Variants in ITSN1 observed in about 807,000 individuals in gnomAD.
ITSN1 encodes the protein intersectin-1.
ITSN1 carries 58 observed loss-of-function variants against 239.8 expected under a neutral mutation model. The ratio of observed to expected loss-of-function variants is 0.24; its 90% CI spans 0.20 to 0.30. The LOEUF (loss-of-function observed/expected upper bound fraction) is 0.30, where lower values mean the gene tolerates loss of function less well. Among genes scored for constraint, ITSN1 ranks in the 10% least tolerant of loss-of-function variants. The pLI is 1.00. For missense variants in ITSN1, 1,558 were observed against 2,103.3 expected (o/e 0.74, Z 5.07); for synonymous variants, 780 against 770.8 (o/e 1.01, Z -0.20).
chr21:33,655,398 C>T (rs1353408282), intron 1 of ITSN1, among the ~76,000 whole-genome samples: 1 of 151,960 alleles, frequency 6.6e-6, no homozygotes, highest in East Asian at 1.9e-4. Context: ...GAATTCTGTT[C>T]AAGTGTGTAG....
chr21:33,813,980 C>G lies in ITSN1; in HGVS notation c.2635C>G (p.Leu879Val). 6.2e-7 allele frequency: 1 copy of G among 1,614,182 alleles called. No individual in the cohort carries two copies. The highest frequency in any genetic ancestry group is 1.1e-5 in the South Asian group (1 of 91,088). Residue 879 changes from leucine (L) to valine (V), a missense_variant, in exon 22 of 40, where the codon CTC becomes GTC. Physicochemically the swap from Leu to Val is conservative, Grantham distance 32. Around this residue, in one of 2 missense-constraint regions of ITSN1, gnomAD observed 982 missense variants for 1,209.9 expected, o/e 0.81. Transcript: ENST00000381318. ...GGATGCATGGGCAGCCCAGCCCTCT[C>G]TCACCGTTCCAAGTGCCGGCCAGTT... ...NWDAWAAQPS[L>V]TVPSAGQLRQ...
At chr21:33,788,893 A>G (rs1306055247) in intron 16 of ITSN1, among the ~76,000 whole-genome samples, 1 of 152,180 alleles carries the variant, frequency 6.6e-6, no homozygotes, top group Non-Finnish European at 1.5e-5. Flanking sequence ...CAAGGCTATG[A>G]TCGTGCCTGT....
intron 25 of ITSN1, 77 bp from the exon 26 acceptor site, chr21:33,826,741 G>A (rs556487175): frequency 7.3e-7 from 1 of 1,362,176 alleles, no homozygotes; most frequent in East Asian, 2.3e-5. Flanking sequence ...AAGCGGGTTT[G>A]TATCATCATT....
intron 1 of ITSN1, among the ~76,000 whole-genome samples, chr21:33,705,934 A>G (rs913260974): frequency 6.6e-6 from 1 of 152,194 alleles, no homozygotes. Flanking sequence ...AAGCCTACTC[A>G]TATTGGAGCC....
Position 33,834,343 on chromosome 21 carries a change from G to T in ITSN1, c.3388G>T (p.Ala1130Ser), listed in dbSNP as rs199990852. ...GKKRQIGWFP[A>S]NYVKLLSPGT... ...AAAGCGCCAGATAGGCTGGTTCCCA[G>T]CTAATTATGTAAAGCTTCTAAGCCC... The change falls in exon 28 of 40, where the codon GCT becomes TCT. Residue 1130 changes from alanine to serine, a missense_variant. Ala to Ser is a moderately conservative substitution (Grantham distance 99, BLOSUM62 1). This residue lies in a region of ITSN1 where 576 missense variants were observed against 893.3 expected (regional missense o/e 0.64). Transcript: ENST00000381318. The T allele has an allele frequency of 6.2e-7, 1 of 1,614,066 alleles. No individual in the cohort carries two copies. The highest frequency in any genetic ancestry group is 8.5e-7 in the Non-Finnish European group (1 of 1,180,004).
rs2248321 is a variant in ITSN1 at position 33,834,576 on chromosome 21, A to G, written c.3469+152A>G. ...GGGACTGACACCCAACTAATGTGAT[A>G]TGGAATATGTCTTTCAAAAGGACCA... On this transcript the variant is annotated intron_variant, in intron 28 of 39. Transcript: ENST00000381318. 236,399 of 641,826 alleles carry G rather than the reference A, an allele frequency of 0.37. 48,536 individuals carry two copies. Among genetic ancestry groups the G allele is most frequent in the East Asian group, 0.74 (26,811 of 36,444 alleles). The allele number at this position is 641,826 out of a possible 1,614,324, so 39.8% of individuals were successfully genotyped here. A position where few individuals can be genotyped will look rare whatever the true frequency, so the allele number is the denominator to read the frequency against.
At chr21:33,868,015 G>T (rs978847478) in intron 33 of ITSN1, among the ~76,000 whole-genome samples, 4 of 152,232 alleles carry the variant, frequency 2.6e-5, no homozygotes, top group African/African-American at 9.6e-5. Context: ...GCAGCAGCAA[G>T]ATTTATTGCA....
intron 20 of ITSN1, among the ~76,000 whole-genome samples, chr21:33,804,562 A>C (rs977422136): frequency 6.6e-6 from 1 of 152,208 alleles, no homozygotes; most frequent in Non-Finnish European, 1.5e-5. Flanking sequence ...CTTTCAATTG[A>C]GTCTGACCTT....
intron 20 of ITSN1, among the ~76,000 whole-genome samples, chr21:33,805,743 T>G (rs926149381): frequency 6.6e-6 from 1 of 151,198 alleles, no homozygotes; most frequent in African/African-American, 2.4e-5. Flanking sequence ...GCGATCTCGG[T>G]TCCCTGCAAG....
intron 27 of ITSN1, 91 bp from the exon 28 acceptor site, chr21:33,834,216 G>T: frequency 1.1e-6 from 1 of 878,832 alleles, no homozygotes; most frequent in Non-Finnish European, 1.8e-6. Flanking sequence ...TCAGTTATAT[G>T]TAAGCTTTAC....
At chr21:33,783,664 T>G (rs1444411605) in intron 16 of ITSN1, among the ~76,000 whole-genome samples, 1 of 150,912 alleles carries the variant, frequency 6.6e-6, no homozygotes, top group Non-Finnish European at 1.5e-5. Context: ...CACATTAACT[T>G]TCATTGTCAC....
intron 15 of ITSN1, 147 bp from the exon 16 acceptor site, chr21:33,781,847 G>A: frequency 1.3e-6 from 1 of 757,524 alleles, no homozygotes; most frequent in Non-Finnish European, 2.1e-6. Context: ...CCAAAGTGCT[G>A]GGATTACAGG....
intron 20 of ITSN1, among the ~76,000 whole-genome samples, chr21:33,810,464 G>A (rs967590754): frequency 6.6e-6 from 1 of 151,670 alleles, no homozygotes; most frequent in African/African-American, 2.4e-5. Flanking sequence ...TTTGCTTCTC[G>A]TGGAAACCAT....
intron 29 of ITSN1, among the ~76,000 whole-genome samples, chr21:33,851,551 A>G (rs959040673): frequency 2.6e-5 from 4 of 151,116 alleles, no homozygotes; most frequent in African/African-American, 9.7e-5. Flanking sequence ...GGTGCCTGTC[A>G]CCATGCCCAG....
chr21:33,826,922 C>A, intron 26 of ITSN1, 59 bp downstream of exon 26: 1 of 1,423,586 alleles, frequency 7.0e-7, no homozygotes, highest in South Asian at 1.2e-5. Context: ...GATAGTTGCT[C>A]CCCATCTTTG....
chr21:33,695,638 G>C (rs2091759680), intron 1 of ITSN1, among the ~76,000 whole-genome samples: 6 of 152,364 alleles, frequency 3.9e-5, no homozygotes, highest in Non-Finnish European at 7.3e-5. Context: ...TTGAGTATAA[G>C]TGGGCCTTTA....
In ITSN1 at chr21:33,697,762, T is replaced by C. The variant is rs2091860837; in HGVS notation, c.-32-21035T>C. ...TTTTTTAGCTTTCAGGAACTTGATA[T>C]AATGTTTTATTCTTGATGACCCACT... On this transcript the variant is annotated intron_variant, in intron 1 of 39. Coordinates refer to ENST00000381318, the MANE Select transcript of ITSN1 (RefSeq NM_003024.3). 2.6e-5 allele frequency among the ~76,000 whole-genome samples: 4 copies of C among 152,196 alleles called. No homozygotes were observed. In the South Asian group the frequency reaches 8.3e-4, roughly 31 times the overall value.
At chr21:33,689,624 T>C (rs1206921488) in intron 1 of ITSN1, among the ~76,000 whole-genome samples, 1 of 152,198 alleles carries the variant, frequency 6.6e-6, no homozygotes, top group East Asian at 1.9e-4. Context: ...TACAGTGAGC[T>C]ATGATCGCAC....
chr21:33,758,866 A>G (rs1468447995), intron 8 of ITSN1, among the ~76,000 whole-genome samples: 2 of 152,140 alleles, frequency 1.3e-5, no homozygotes, highest in Non-Finnish European at 2.9e-5. Flanking sequence ...AGTACTCCAA[A>G]ACCGATATCC....
Sources: allele counts gnomAD v4.1 joint callset (sites outside exome capture counted in the v4.1 genomes callset), GRCh38; gene constraint gnomAD v4.1.1; regional missense constraint gnomAD v4.1.1; transcripts MANE v1.5; gene names NCBI Gene and HGNC (gene_info 2026-07-23, HGNC 2026-07-21).